CCDC7: variants seen among roughly 807,000 people sequenced by gnomAD.
The protein encoded by CCDC7 is coiled-coil domain-containing protein 7.
Under a neutral mutation model 196.9 loss-of-function variants are expected in CCDC7, and 183 were observed. The ratio of observed to expected loss-of-function variants is 0.93; its 90% CI spans 0.82 to 1.05. The LOEUF (loss-of-function observed/expected upper bound fraction) is 1.05. Ranked by LOEUF, CCDC7 falls within the 50% of genes least tolerant of loss-of-function variation. The pLI is 0.00. For synonymous variants in CCDC7, 525 were observed against 484.6 expected, an observed-to-expected ratio of 1.08 and a Z score of -1.10; for missense variants, 1,540 against 1,482.2, an observed-to-expected ratio of 1.04 and a Z score of -0.64.
chr10:32,534,027 A>G (rs1304472903), intron 11 of CCDC7, among the ~76,000 whole-genome samples: 1 of 152,076 alleles, frequency 6.6e-6, no homozygotes, highest in African/African-American at 2.4e-5. Context: ...TTGAACACCA[A>G]TAATTTTTAG....
At chr10:32,549,184 T>C (rs1046029756) in intron 13 of CCDC7, among the ~76,000 whole-genome samples, 4 of 152,134 alleles carry the variant, frequency 2.6e-5, no homozygotes, top group African/African-American at 4.8e-5. Context: ...CATTTTTTCA[T>C]ATGTTTGTTA....
At chr10:32,567,524 C>A in intron 14 of CCDC7, 146 bp from the exon 16 acceptor site, 3 of 872,764 alleles carry the variant, frequency 3.4e-6, no homozygotes, top group South Asian at 2.2e-5. Context: ...TCAATTATAG[C>A]AATAGCTTAC....
At chr10:32,688,392 A>G (rs1367223581) in intron 22 of CCDC7, among the ~76,000 whole-genome samples, 3 of 152,202 alleles carry the variant, frequency 2.0e-5, no homozygotes, top group Non-Finnish European at 2.9e-5. Flanking sequence ...CAGTGTTTGC[A>G]GTGACTTGGT....
intron 29 of CCDC7, among the ~76,000 whole-genome samples, chr10:32,792,674 G>A (rs530636330): frequency 2.0e-5 from 3 of 152,110 alleles, no homozygotes; most frequent in Admixed American, 2.0e-4. Flanking sequence ...GGTGGCATAC[G>A]CTTGTAACTC....
chr10:32,855,997 A>G (rs189794316), intron 41 of CCDC7, among the ~76,000 whole-genome samples: 17 of 152,326 alleles, frequency 1.1e-4, no homozygotes, highest in Non-Finnish European at 2.4e-4. Context: ...TCTTTACAAC[A>G]TATGATGCTG....
intron 28 of CCDC7, among the ~76,000 whole-genome samples, chr10:32,730,892 A>G (rs1226702891): frequency 2.0e-5 from 3 of 152,112 alleles, no homozygotes; most frequent in Non-Finnish European, 2.9e-5. Context: ...TAATTACATT[A>G]GTTAAATTTT....
At chr10:32,688,316 A>G (rs1272474455) in intron 22 of CCDC7, among the ~76,000 whole-genome samples, 1 of 152,188 alleles carries the variant, frequency 6.6e-6, no homozygotes, top group East Asian at 1.9e-4. Flanking sequence ...GTGTCATCAT[A>G]GGCTGTCTGT....
intron 28 of CCDC7, among the ~76,000 whole-genome samples, chr10:32,734,167 C>T (rs984091961): frequency 6.6e-6 from 1 of 152,060 alleles, no homozygotes; most frequent in African/African-American, 2.4e-5. Context: ...AGCAAAGATA[C>T]GGAATCAGCC....
At chr10:32,527,181 T>C (rs2135756536) in intron 11 of CCDC7, among the ~76,000 whole-genome samples, 1 of 152,312 alleles carries the variant, frequency 6.6e-6, no homozygotes, top group South Asian at 2.1e-4. Flanking sequence ...TATTCTCTGC[T>C]GTGACAGGGC....
At chr10:32,462,924 G>A in intron 4 of CCDC7, 93 bp from the exon 6 acceptor site, 1 of 1,549,340 alleles carries the variant, frequency 6.5e-7, no homozygotes, top group Non-Finnish European at 8.8e-7. Flanking sequence ...AAGATTCAGA[G>A]ACACAGACAC....
chr10:32,656,100 AATC>A (rs1312917846), intron 20 of CCDC7, among the ~76,000 whole-genome samples: 1 of 152,210 alleles, frequency 6.6e-6, no homozygotes, highest in Non-Finnish European at 1.5e-5. Context: ...GTATTAAAAA[AATC>A]ATTGCTAAGA....
intron 32 of CCDC7, among the ~76,000 whole-genome samples, chr10:32,829,881 A>T (rs1052097643): frequency 6.6e-6 from 1 of 151,622 alleles, no homozygotes; most frequent in Non-Finnish European, 1.5e-5. Flanking sequence ...TGTGGCTAGA[A>T]TATAAAGCAG....
At chr10:32,476,849 T>C (rs2039060935) in intron 8 of CCDC7, among the ~76,000 whole-genome samples, 1 of 152,220 alleles carries the variant, frequency 6.6e-6, no homozygotes, top group South Asian at 2.1e-4. Context: ...TGCCATCTGT[T>C]TCATTTCTTT....
chr10:32,596,630 C>A (rs915387329), intron 18 of CCDC7, among the ~76,000 whole-genome samples: 1 of 152,160 alleles, frequency 6.6e-6, no homozygotes, highest in African/African-American at 2.4e-5. Context: ...CTAGCCTCGA[C>A]GATCTTTACA....
chr10:32,875,824 G>T (rs1325020218), intron 41 of CCDC7, among the ~76,000 whole-genome samples: 2 of 151,876 alleles, frequency 1.3e-5, no homozygotes, highest in African/African-American at 2.4e-5. Context: ...TTTTGTTGTG[G>T]TTTACAAATT....
At chr10:32,497,125 T>C (rs1366262952) in intron 9 of CCDC7, among the ~76,000 whole-genome samples, 1 of 152,098 alleles carries the variant, frequency 6.6e-6, no homozygotes, top group African/African-American at 2.4e-5. Context: ...CTTGGGAGGG[T>C]GTATGTGTCC....
intron 9 of CCDC7, chr10:32,513,152 AGAACCT>A (rs1158971299): frequency 6.6e-6 from 1 of 152,152 alleles, no homozygotes. Flanking sequence ...AGAACTAGAA[AGAACCT>A]GTTTTTGTTA....
intron 28 of CCDC7, among the ~76,000 whole-genome samples, chr10:32,759,894 G>A (rs7893536): frequency 0.14 from 20,881 of 151,430 alleles, 1,740 homozygotes; most frequent in East Asian, 0.25. Flanking sequence ...AAACAAATTT[G>A]CAAGAAAAAA....
At chr10:32,533,246 A>ACACACAC (rs71515563) in intron 11 of CCDC7, among the ~76,000 whole-genome samples, 1 of 144,524 alleles carries the variant, frequency 6.9e-6, no homozygotes, top group Non-Finnish European at 1.5e-5. Context: ...AAACAAAGGA[A>ACACACAC]ACACACACAC....
Sources: allele counts gnomAD v4.1 joint callset (sites outside exome capture counted in the v4.1 genomes callset), GRCh38; gene constraint gnomAD v4.1.1; transcripts MANE v1.5; gene names NCBI Gene and HGNC (gene_info 2026-07-23, HGNC 2026-07-21).